COL12A1: variants seen among roughly 807,000 people sequenced by gnomAD.
COL12A1 encodes the protein collagen alpha-1(XII) chain.
In COL12A1, 114 loss-of-function variants were observed where a neutral mutation model predicts 349.7. The observed-to-expected ratio is 0.33, with a 90% CI of 0.28 to 0.38. COL12A1 has a LOEUF of 0.38. Among genes scored for constraint, COL12A1 ranks in the 10% least tolerant of loss-of-function variants. The probability of loss-of-function intolerance (pLI) is 1.00; values close to 1 mark genes in which losing one functional copy is unlikely to be tolerated. For synonymous variants in COL12A1, 1,369 were observed against 1,329.0 expected (o/e 1.03, Z -0.66); for missense variants, 3,284 against 3,756.9 (o/e 0.87, Z 3.29).
chr6:75,090,130 T>G lies in COL12A1; in HGVS notation c.8921A>C (p.Gln2974Pro). ...RPGFPGTPGM[Q>P]GPPGERGLPG... is the part of the protein sequence containing the mutation. ...CCTACCTCGTTCCCCAGGGGGTCCCTGCATCCCTGGTGTGCCCGGGAAGCC... is the reference window on the plus strand; with the variant it reads ...CCTACCTCGTTCCCCAGGGGGTCCCGGCATCCCTGGTGTGCCCGGGAAGCC... Residue 2974 changes from glutamine (Q) to proline (P), a missense_variant, in exon 63 of 66, where the codon CAG (glutamine) becomes CCG (proline). Physicochemically the swap from Gln to Pro is moderately conservative, Grantham distance 76. Coordinates refer to ENST00000322507, the MANE Select transcript of COL12A1 (RefSeq NM_004370.6). This position sits in a 1 kb window ranked among gnomAD's most constrained non-coding sequence, Gnocchi z 4.1. The G allele has an allele frequency of 3.1e-6, 5 of 1,613,658 alleles. No homozygotes were observed. Among genetic ancestry groups the G allele is most frequent in the Non-Finnish European group, 4.2e-6 (5 of 1,179,942 alleles).
At chr6:75,176,874 T>C (rs1768985461) in intron 12 of COL12A1, among the ~76,000 whole-genome samples, 1 of 152,180 alleles carries the variant, frequency 6.6e-6, no homozygotes, top group African/African-American at 2.4e-5. Flanking sequence ...AATGAAAAAT[T>C]ATGAATGCCT....
Position 75,156,485 on chromosome 6 carries a change from T to A in COL12A1, c.3022A>T (p.Thr1008Ser). The change falls in exon 15 of 66, where the codon ACA (threonine) becomes TCA (serine). Residue 1008 changes from threonine (T) to serine (S), a missense_variant. Physicochemically the swap from Thr to Ser is moderately conservative, Grantham distance 58 (BLOSUM62 1). Transcript: ENST00000322507. ...CATGTAACTCTCATTGTGTTTTCTG[T>A]TTCTTCATCTACTTTCAGGGTTTTG... Reference protein sequence around the residue: ...DSKTLKVDEETENTMRVTWKP... With the variant: ...DSKTLKVDEESENTMRVTWKP... 3.1e-6 allele frequency: 5 copies of A among 1,613,792 alleles called. No homozygotes were observed. In the South Asian group the frequency reaches 5.5e-5, roughly 18 times the overall value.
In COL12A1 at chr6:75,128,320, G is replaced by A; in HGVS notation, c.6316C>T (p.His2106Tyr). ...CCAGTTCTTCCATTTCCTGTTAGATGGCCACCATCTCCATCTTCATAAACA... is the reference window on the plus strand; with the variant it reads ...CCAGTTCTTCCATTTCCTGTTAGATAGCCACCATCTCCATCTTCATAAACA... Reference protein sequence around the residue: ...IAVYEDGDGGHLTGNGRTVGL... With the variant: ...IAVYEDGDGGYLTGNGRTVGL... Residue 2106 changes from histidine to tyrosine, a missense_variant, in exon 38 of 66, where the codon CAT becomes TAT. His to Tyr is a moderately conservative substitution (Grantham distance 83). This residue lies in a region of COL12A1 where 2,601 missense variants were observed against 2,824.8 expected (regional missense o/e 0.92). Coordinates refer to ENST00000322507, the MANE Select transcript of COL12A1 (RefSeq NM_004370.6). 1 of 1,603,366 alleles carries A rather than the reference G, an allele frequency of 6.2e-7. No homozygotes were observed. The highest frequency in any genetic ancestry group is 8.5e-7 in the Non-Finnish European group (1 of 1,175,726).
chr6:75,115,727 T>C (rs981649195), intron 49 of COL12A1, 57 bp downstream of exon 49: 29 of 1,546,470 alleles, frequency 1.9e-5, no homozygotes, highest in African/African-American at 2.8e-5. Context: ...TCAGCAAATA[T>C]TCCAAGAACT....
rs780495460 is a variant in COL12A1, at chr6:75,189,227, A to T, written c.813T>A (p.Val271=). 6.2e-7 allele frequency: 1 copy of T among 1,612,740 alleles called. No homozygotes were observed. The highest frequency in any genetic ancestry group is 8.5e-7 in the Non-Finnish European group (1 of 1,179,256). The change falls in exon 7 of 66, where the codon GTT becomes GTA. Residue 271 remains valine (V), a synonymous_variant. Coordinates refer to ENST00000322507, the MANE Select transcript of COL12A1 (RefSeq NM_004370.6). The part of the protein sequence containing the change: ...ARELRNVGVE[V]FSLGIKAADA... The stretch of plus-strand genomic sequence containing the variant: ...CTGAACTTAACCTACCCAAGGAGAA[A>T]ACTTCAACTCCAACATTACGAAGCT...
chr6:75,124,373 T>C lies in COL12A1; in HGVS notation c.6608-2A>G. 1 of 1,575,800 alleles carries C rather than the reference T, an allele frequency of 6.3e-7. No homozygotes were observed. On this transcript the variant is annotated splice_acceptor_variant, in intron 40 of 65. Transcript: ENST00000322507. LOFTEE classifies it high-confidence loss of function. The stretch of plus-strand genomic sequence containing the variant: ...TCAGATCTGTTACATTTAAATATAC[T>C]ACAAAATAAAGAAAGAAAGAGATTT...
intron 3 of COL12A1, among the ~76,000 whole-genome samples, 160 bp downstream of exon 3, chr6:75,194,671 G>T (rs906069541): frequency 2.0e-5 from 3 of 152,116 alleles, no homozygotes; most frequent in Non-Finnish European, 4.4e-5. Context: ...ACACTAGACT[G>T]GAAATCTGAA....
Position 75,194,863 on chromosome 6 carries a change from A to C in COL12A1, c.158T>G (p.Val53Gly), listed in dbSNP as rs773116354. Residue 53 changes from valine to glycine, a missense_variant, in exon 3 of 66, where the codon GTG (valine) becomes GGG (glycine). By Grantham distance (109) the Val-to-Gly change is moderately radical (BLOSUM62 -3). Transcript: ENST00000322507. ...MSWAKPVDPI[V>G]GYRITVDPTT... is the part of the protein sequence containing the mutation. Reference sequence around the variant, plus strand: ...AGGGTCCACCGTTATTCTGTAACCCACAATTGGATCAACTGGTTTTGCCCA... The same window carrying C: ...AGGGTCCACCGTTATTCTGTAACCCCCAATTGGATCAACTGGTTTTGCCCA... The C allele has an allele frequency of 6.2e-7, 1 of 1,612,182 alleles. No individual in the cohort carries two copies. The highest frequency in any genetic ancestry group is 8.5e-7 in the Non-Finnish European group (1 of 1,178,906).
intron 54 of COL12A1, among the ~76,000 whole-genome samples, chr6:75,104,500 C>T (rs888987144): frequency 6.6e-6 from 1 of 152,140 alleles, no homozygotes; most frequent in Non-Finnish European, 1.5e-5. Context: ...TCCCTGAGCT[C>T]CTCCTGTGTT....
chr6:75,115,107 C>A (rs59740803), intron 49 of COL12A1, among the ~76,000 whole-genome samples: 3,386 of 152,258 alleles, frequency 0.022, 125 homozygotes, highest in East Asian at 0.19. Flanking sequence ...CATCAGCTTT[C>A]TCAGAGCATT....
intron 46 of COL12A1, chr6:75,117,748 A>T: frequency 2.0e-6 from 1 of 505,494 alleles, no homozygotes; most frequent in Non-Finnish European, 3.5e-6. Flanking sequence ...AATTCATTTA[A>T]TTTGATTTCC....
At chr6:75,182,108 A>C (rs886407939) in intron 10 of COL12A1, among the ~76,000 whole-genome samples, 5 of 151,832 alleles carry the variant, frequency 3.3e-5, no homozygotes, top group Admixed American at 1.3e-4. Context: ...AAAAAAAAAA[A>C]AAAGAAAAAA....
At position 75,156,486 on chromosome 6, in the gene COL12A1, T is replaced by C. The variant is rs368940290; in HGVS notation, c.3021A>G (p.Glu1007=). 9.0e-5 allele frequency: 146 copies of C among 1,613,666 alleles called. No individual in the cohort carries two copies. Among genetic ancestry groups the C allele is most frequent in the Non-Finnish European group, 1.1e-4 (132 of 1,179,838 alleles). The change falls in exon 15 of 66, where the codon GAA becomes GAG. Residue 1007 remains glutamate (E), a synonymous_variant. Transcript: ENST00000322507. ...ATGTAACTCTCATTGTGTTTTCTGT[T>C]TCTTCATCTACTTTCAGGGTTTTGG... ...QDSKTLKVDE[E]TENTMRVTWK...
intron 16 of COL12A1, among the ~76,000 whole-genome samples, chr6:75,155,406 C>A (rs1311618689): frequency 1.3e-5 from 2 of 152,030 alleles, no homozygotes; most frequent in Non-Finnish European, 2.9e-5. Flanking sequence ...AATTCTGATC[C>A]CTTAAAAACA....
chr6:75,135,805 T>A (rs551943492), intron 31 of COL12A1, among the ~76,000 whole-genome samples: 18 of 152,190 alleles, frequency 1.2e-4, no homozygotes, highest in Admixed American at 3.3e-4. Context: ...TTTGAGGTTA[T>A]GAGAGAAAAG....
Position 75,175,123 on chromosome 6 carries a change from T to A in COL12A1, c.2625A>T (p.Glu875Asp), listed in dbSNP as rs1768859641. 6.2e-7 allele frequency: 1 copy of A among 1,614,074 alleles called. No homozygotes were observed. The highest frequency in any genetic ancestry group is 1.3e-5 in the African/African-American group (1 of 74,922). ...TCACAGATAAGGCGTATTGTGTCCC[T>A]TCCTTCAATCCCTGCAGCACCGTAT... ...TTNTVLQGLK[E>D]GTQYALSVTA... Residue 875 changes from glutamate (E) to aspartate (D), a missense_variant, in exon 13 of 66, where the codon GAA becomes GAT. Physicochemically the swap from Glu to Asp is conservative, Grantham distance 45 (BLOSUM62 2). Around this residue, in one of 2 missense-constraint regions of COL12A1, gnomAD observed 2,601 missense variants for 2,824.8 expected, o/e 0.92. Coordinates refer to ENST00000322507, the MANE Select transcript of COL12A1 (RefSeq NM_004370.6).
chr6:75,194,859 A>G lies in COL12A1; in HGVS notation c.162T>C (p.Gly54=), dbSNP rs1480046910. ...TTGTAGGGTCCACCGTTATTCTGTAACCCACAATTGGATCAACTGGTTTTG... is the reference window on the plus strand; with the variant it reads ...TTGTAGGGTCCACCGTTATTCTGTAGCCCACAATTGGATCAACTGGTTTTG... ...SWAKPVDPIV[G]YRITVDPTTD... is the part of the protein sequence containing the mutation. The change falls in exon 3 of 66, where the codon GGT becomes GGC. Residue 54 remains glycine, a synonymous_variant. Transcript: ENST00000322507. The G allele has an allele frequency of 1.2e-6, 2 of 1,611,956 alleles. No individual in the cohort carries two copies. Among genetic ancestry groups the G allele is most frequent in the African/African-American group, 1.3e-5 (1 of 74,972 alleles).
In COL12A1 at chr6:75,117,529, C is replaced by T; in HGVS notation, c.7372G>A (p.Val2458Ile). ...TTGTAGTCGACATCAGCCACACCAA[C>T]TACAAAGACACTGAACCCTGCAAAG... ...IQQSGFSVFV[V>I]GVADVDYNEL... The change falls in exon 47 of 66, where the codon GTT becomes ATT. Residue 2458 changes from valine (V) to isoleucine (I), a missense_variant. Around this residue, in one of 2 missense-constraint regions of COL12A1, gnomAD observed 683 missense variants for 932.1 expected, o/e 0.73. Transcript: ENST00000322507. 6.2e-7 allele frequency: 1 copy of T among 1,613,544 alleles called. No individual in the cohort carries two copies. Among genetic ancestry groups the T allele is most frequent in the Non-Finnish European group, 8.5e-7 (1 of 1,179,558 alleles).
intron 12 of COL12A1, among the ~76,000 whole-genome samples, chr6:75,176,358 G>T (rs902052668): frequency 9.6e-5 from 14 of 145,118 alleles, no homozygotes; most frequent in African/African-American, 3.6e-4. Flanking sequence ...GGAGGGAGAG[G>T]GATGCTGTGG....
Sources: allele counts gnomAD v4.1 joint callset (sites outside exome capture counted in the v4.1 genomes callset), GRCh38; gene constraint gnomAD v4.1.1; regional missense constraint gnomAD v4.1.1; non-coding constraint Gnocchi (gnomAD v3.1); transcripts MANE v1.5; gene names NCBI Gene and HGNC (gene_info 2026-07-23, HGNC 2026-07-21).